PTPRT: variants seen among roughly 807,000 people sequenced by gnomAD.
PTPRT encodes the protein protein tyrosine phosphatase receptor type T.
A neutral mutation model predicts 176.8 loss-of-function variants in PTPRT; 56 were observed. That is an observed-to-expected ratio of 0.32 (90% CI 0.26 to 0.40). PTPRT has a LOEUF of 0.40. PTPRT is among the 10% of genes least tolerant of loss of function. PTPRT has a pLI of 1.00. For synonymous variants in PTPRT, 783 were observed against 739.0 expected (o/e 1.06, Z -0.96); for missense variants, 1,540 against 1,908.2 (o/e 0.81, Z 3.60).
chr20:42,370,446 G>A (rs757545280), intron 9 of PTPRT, among the ~76,000 whole-genome samples: 3 of 152,100 alleles, frequency 2.0e-5, no homozygotes, highest in Non-Finnish European at 4.4e-5. Flanking sequence ...GACGGGCTAC[G>A]TTTTTCCTTG....
intron 1 of PTPRT, among the ~76,000 whole-genome samples, chr20:43,007,807 A>G (rs1234783397): frequency 3.3e-5 from 5 of 152,236 alleles, no homozygotes; most frequent in Non-Finnish European, 7.3e-5. Context: ...AATAGTTAGC[A>G]TAGTTGTTGA....
intron 1 of PTPRT, among the ~76,000 whole-genome samples, chr20:43,040,770 G>A (rs1450676350): frequency 6.6e-6 from 1 of 152,180 alleles, no homozygotes; most frequent in African/African-American, 2.4e-5. Flanking sequence ...GCCATGTCTG[G>A]GTAGCCATGG....
chr20:42,999,897 G>T (rs1984453958), intron 1 of PTPRT, among the ~76,000 whole-genome samples: 2 of 151,896 alleles, frequency 1.3e-5, no homozygotes, highest in Admixed American at 6.6e-5. Flanking sequence ...TATCAATATG[G>T]CTAAATTTTG....
intron 7 of PTPRT, among the ~76,000 whole-genome samples, chr20:42,654,533 G>A (rs2075089708): frequency 6.6e-6 from 1 of 152,180 alleles, no homozygotes; most frequent in African/African-American, 2.4e-5. Context: ...GGTTACTACA[G>A]AGAGGGGTAG....
chr20:42,399,425 G>C (rs2058883961), intron 9 of PTPRT, among the ~76,000 whole-genome samples: 1 of 152,214 alleles, frequency 6.6e-6, no homozygotes, highest in South Asian at 2.1e-4. Flanking sequence ...TGCCAAGGCA[G>C]GGGAGGAGAA....
intron 2 of PTPRT, among the ~76,000 whole-genome samples, chr20:42,813,811 A>G (rs1441220120): frequency 6.6e-6 from 1 of 152,160 alleles, no homozygotes. Context: ...TGAATATCCC[A>G]TACTCAGATT....
At chr20:43,110,668 T>C (rs1351875625) in intron 1 of PTPRT, among the ~76,000 whole-genome samples, 1 of 152,200 alleles carries the variant, frequency 6.6e-6, no homozygotes, top group African/African-American at 2.4e-5. Flanking sequence ...GTTTTTTCAG[T>C]AAAACGTTTA....
chr20:42,062,933 C>G, the PTPRT span, among the ~76,000 whole-genome samples: 1 of 152,236 alleles, frequency 6.6e-6, no homozygotes, highest in African/African-American at 2.4e-5. Flanking sequence ...CTCACTTCTT[C>G]AGGTTCAGCC....
In PTPRT at chr20:42,857,134, T is replaced by G. The variant is rs145241711; in HGVS notation, c.214+28673A>C. ...ATCGGCAATGTACAAGGTTCTAATCTCTTAGCTCTAGCACTCACTATGTTG... is the reference window on the plus strand; with the variant it reads ...ATCGGCAATGTACAAGGTTCTAATCGCTTAGCTCTAGCACTCACTATGTTG... On this transcript the variant is annotated intron_variant, in intron 2 of 30. Coordinates refer to ENST00000373187, the MANE Select transcript of PTPRT (RefSeq NM_007050.6). Among the ~76,000 whole-genome samples the G allele has an allele frequency of 1.2e-3, 181 of 152,358 alleles. 1 individual carries two copies. Among genetic ancestry groups the G allele is most frequent in the African/African-American group, 4.2e-3 (174 of 41,592 alleles).
At chr20:43,028,222 C>T (rs544877560) in intron 1 of PTPRT, among the ~76,000 whole-genome samples, 1 of 152,132 alleles carries the variant, frequency 6.6e-6, no homozygotes, top group Non-Finnish European at 1.5e-5. Flanking sequence ...TGCTCTCCAA[C>T]ATATGGAGAG....
chr20:43,125,620 T>C (rs2013409674), intron 1 of PTPRT, among the ~76,000 whole-genome samples: 1 of 152,252 alleles, frequency 6.6e-6, no homozygotes, highest in African/African-American at 2.4e-5. Context: ...TTATTTTCAC[T>C]ATGAAAAAAT....
At chr20:42,959,392 AAGG>A (rs1981857364) in intron 1 of PTPRT, among the ~76,000 whole-genome samples, 1 of 152,228 alleles carries the variant, frequency 6.6e-6, no homozygotes, top group Non-Finnish European at 1.5e-5. Flanking sequence ...TCTCAAAGTC[AAGG>A]AGAAGAAAAG....
chr20:42,233,143 C>A (rs1305234854), intron 15 of PTPRT, among the ~76,000 whole-genome samples: 4 of 152,190 alleles, frequency 2.6e-5, no homozygotes, highest in Non-Finnish European at 4.4e-5. Flanking sequence ...TTCTTGTCCC[C>A]TTTCTCCAGG....
chr20:42,852,838 C>T (rs893511947), intron 2 of PTPRT, among the ~76,000 whole-genome samples: 1 of 152,090 alleles, frequency 6.6e-6, no homozygotes, highest in Non-Finnish European at 1.5e-5. Flanking sequence ...CTGCAGAAAC[C>T]CACTGGGAAA....
chr20:42,296,376 G>T (rs2057386573), intron 12 of PTPRT, among the ~76,000 whole-genome samples: 1 of 151,430 alleles, frequency 6.6e-6, no homozygotes, highest in Non-Finnish European at 1.5e-5. Flanking sequence ...AACCTGGGAG[G>T]CACGGTTTGC....
At chr20:43,037,801 G>C (rs1006371878) in intron 1 of PTPRT, among the ~76,000 whole-genome samples, 1 of 152,154 alleles carries the variant, frequency 6.6e-6, no homozygotes, top group Non-Finnish European at 1.5e-5. Flanking sequence ...AATAGAGACA[G>C]CCCTAAAGAG....
intron 7 of PTPRT, among the ~76,000 whole-genome samples, chr20:42,526,794 G>A (rs966435245): frequency 1.1e-4 from 17 of 151,916 alleles, no homozygotes; most frequent in Non-Finnish European, 2.2e-4. Context: ...GCAGGGCCAA[G>A]TTCTAAGATA....
At chr20:42,392,551 G>C (rs1360441793) in intron 9 of PTPRT, among the ~76,000 whole-genome samples, 7 of 152,322 alleles carry the variant, frequency 4.6e-5, no homozygotes, top group Admixed American at 3.3e-4. Context: ...ATAGGAAGAA[G>C]TGAGGAGCTA....
intron 6 of PTPRT, among the ~76,000 whole-genome samples, chr20:42,716,568 C>A (rs1027204751): frequency 1.3e-5 from 2 of 152,154 alleles, no homozygotes; most frequent in African/African-American, 4.8e-5. Context: ...AGTGCCTGTT[C>A]ATATCCTTCA....
Sources: allele counts gnomAD v4.1 joint callset (sites outside exome capture counted in the v4.1 genomes callset), GRCh38; gene constraint gnomAD v4.1.1; transcripts MANE v1.5; gene names NCBI Gene and HGNC (gene_info 2026-07-23, HGNC 2026-07-21).